EP400: variants seen among roughly 807,000 people sequenced by gnomAD.
EP400 encodes E1A-binding protein p400.
EP400 carries 105 observed loss-of-function variants against 354.1 expected under a neutral mutation model. The observed-to-expected ratio is 0.30, with a 90% CI of 0.25 to 0.35. The LOEUF (loss-of-function observed/expected upper bound fraction) is 0.35, where lower values mean the gene tolerates loss of function less well. Ranked by LOEUF, EP400 falls within the 10% of genes least tolerant of loss-of-function variation. The pLI is 1.00. For synonymous variants in EP400, 1,646 were observed against 1,716.9 expected (o/e 0.96, Z 1.02); for missense variants, 3,280 against 4,121.0 (o/e 0.80, Z 5.59).
chr12:131,976,929 T>A (rs1566168877), intron 2 of EP400, among the ~76,000 whole-genome samples: 1 of 152,156 alleles, frequency 6.6e-6, no homozygotes, highest in Non-Finnish European at 1.5e-5. Context: ...GCCAGTGAGA[T>A]GCTATGTGTC....
chr12:132,013,040 G>A lies in EP400; in HGVS notation c.3473G>A (p.Cys1158Tyr), dbSNP rs1291263447. 4 of 1,613,538 alleles carry A rather than the reference G, an allele frequency of 2.5e-6. No individual in the cohort carries two copies. Among genetic ancestry groups the A allele is most frequent in the East Asian group, 2.2e-5 (1 of 44,872 alleles). ...GCCGAACCCAACAGCTTCCACGTCT[G>A]CATCACGTCCTACACTCAGTTCTTC... ...EWAEPNSFHV[C>Y]ITSYTQFFRG... The change falls in exon 17 of 53, where the codon TGC becomes TAC. Residue 1158 changes from cysteine to tyrosine, a missense_variant. Cys to Tyr is a radical substitution (Grantham distance 194, BLOSUM62 -2). This residue lies in a region of EP400 where 242 missense variants were observed against 357.9 expected (regional missense o/e 0.68). Transcript: ENST00000389561. This position sits in a 1 kb window ranked among gnomAD's most constrained non-coding sequence, Gnocchi z 4.5.
chr12:132,003,835 C>T (rs767296453), intron 12 of EP400, among the ~76,000 whole-genome samples: 17 of 152,194 alleles, frequency 1.1e-4, no homozygotes, highest in Non-Finnish European at 2.1e-4. Flanking sequence ...TATTTAACAT[C>T]CTGAGCAAAT....
chr12:132,020,750 C>T (rs772822097), intron 22 of EP400, among the ~76,000 whole-genome samples: 4 of 152,174 alleles, frequency 2.6e-5, no homozygotes, highest in Non-Finnish European at 5.9e-5. Flanking sequence ...TGAGTGGAAG[C>T]TCTGTTGATG....
At position 132,052,098 on chromosome 12, in the gene EP400, G is replaced by A. The variant is rs941760653; in HGVS notation, c.7395-1048G>A. On this transcript the variant is annotated intron_variant, in intron 41 of 52. Transcript: ENST00000389561. This position sits in a 1 kb window ranked among gnomAD's most constrained non-coding sequence, Gnocchi z 4.4. Reference sequence around the variant, plus strand: ...AGGATTATTATAATATTGGAATAAAGAGTAATTGCTACCAACTAATGATTA... The same window carrying A: ...AGGATTATTATAATATTGGAATAAAAAGTAATTGCTACCAACTAATGATTA... Among the ~76,000 whole-genome samples the A allele has an allele frequency of 2.6e-5, 4 of 152,206 alleles. No individual in the cohort carries two copies. The highest frequency in any genetic ancestry group is 4.4e-5 in the Non-Finnish European group (3 of 68,038).
rs964409989 is a variant in EP400, at chr12:131,954,681, C to T, written c.-36+4645C>T. On this transcript the variant is annotated intron_variant, in intron 1 of 52. Transcript: ENST00000389561. ...CGGAGGGCGCAGTGAGCCGAAATCA[C>T]GCCAGTGCACTCCAGCCTGGGTGAT... Among the ~76,000 whole-genome samples the T allele has an allele frequency of 2.9e-5, 4 of 137,736 alleles. No homozygotes were observed. In the Admixed American group the frequency reaches 3.2e-4, roughly 11 times the overall value. 90.4% of individuals were successfully genotyped at this position (137,736 alleles called of 152,430 possible). A position where few individuals can be genotyped will look rare whatever the true frequency, so the allele number is the denominator to read the frequency against.
intron 12 of EP400, among the ~76,000 whole-genome samples, chr12:131,997,192 T>A (rs1296495999): frequency 6.6e-6 from 1 of 152,070 alleles, no homozygotes; most frequent in Non-Finnish European, 1.5e-5. Context: ...CAAAACTTAC[T>A]AATAGCCTAC....
At position 132,067,868 on chromosome 12, in the gene EP400, T is replaced by G. The variant is rs931837460; in HGVS notation, c.8874+382T>G. Among the ~76,000 whole-genome samples the G allele has an allele frequency of 6.6e-6, 1 of 152,224 alleles. No homozygotes were observed. The highest frequency in any genetic ancestry group is 1.5e-5 in the Non-Finnish European group (1 of 68,004). On this transcript the variant is annotated intron_variant, in intron 50 of 52. Coordinates refer to ENST00000389561, the MANE Select transcript of EP400 (RefSeq NM_015409.5). This position sits in a 1 kb window ranked among gnomAD's most constrained non-coding sequence, Gnocchi z 5.3. ...CCACAGGACCCGCCTGGACTCCTGCTGGAGGACAGGGATGCCGTACAGTCT... is the reference window on the plus strand; with the variant it reads ...CCACAGGACCCGCCTGGACTCCTGCGGGAGGACAGGGATGCCGTACAGTCT...
rs1310182603 is a variant in EP400, at chr12:132,017,928, C to G, written c.4110+207C>G. Reference sequence around the variant, plus strand: ...CCTCCGGAAATTTACCCGAGGGAGACAGGCTCACAGAGTGGAAAGATGCAG... The same window carrying G: ...CCTCCGGAAATTTACCCGAGGGAGAGAGGCTCACAGAGTGGAAAGATGCAG... On this transcript the variant is annotated intron_variant, in intron 20 of 52. Transcript: ENST00000389561. The surrounding 1 kb of genome is among the most constrained non-coding windows in gnomAD (Gnocchi z 5.0). Among the ~76,000 whole-genome samples, 2 of 152,234 alleles carry G rather than the reference C, an allele frequency of 1.3e-5. No homozygotes were observed. Among genetic ancestry groups the G allele is most frequent in the African/African-American group, 4.8e-5 (2 of 41,462 alleles).
Position 132,021,075 on chromosome 12 carries a change from G to A in EP400, c.4448-4G>A. ...TTTGCACAAACAAACCTTATCGATTGCAGCAGCAGCAGCCCCGTTTCAGAC... is the reference window on the plus strand; with the variant it reads ...TTTGCACAAACAAACCTTATCGATTACAGCAGCAGCAGCCCCGTTTCAGAC... On this transcript the variant is annotated splice_region_variant and splice_polypyrimidine_tract_variant and intron_variant, in intron 22 of 52. Coordinates refer to ENST00000389561, the MANE Select transcript of EP400 (RefSeq NM_015409.5). 2 of 1,587,872 alleles carry A rather than the reference G, an allele frequency of 1.3e-6. No homozygotes were observed. Among genetic ancestry groups the A allele is most frequent in the Non-Finnish European group, 1.7e-6 (2 of 1,173,324 alleles).
At chr12:132,012,932 G>A (rs1893811471) in intron 16 of EP400, 77 bp from the exon 17 acceptor site, 1 of 1,443,914 alleles carries the variant, frequency 6.9e-7, no homozygotes, top group Non-Finnish European at 9.2e-7. Context: ...GGCAAGCTTT[G>A]GGAAGTGTGT....
chr12:131,987,668 CATG>C (rs1258077737), intron 6 of EP400, 34 bp from the exon 7 acceptor site: 1 of 1,523,350 alleles, frequency 6.6e-7, no homozygotes, highest in Non-Finnish European at 8.8e-7. Context: ...ACACTCATCA[CATG>C]CCGACCCCAC....
At chr12:132,076,443 AAGGG>A in intron 51 of EP400, 69 bp from the exon 52 acceptor site, 1 of 1,475,612 alleles carries the variant, frequency 6.8e-7, no homozygotes, top group Non-Finnish European at 9.4e-7. Flanking sequence ...TGAGGACAGA[AAGGG>A]AGGAAAAATC....
intron 6 of EP400, among the ~76,000 whole-genome samples, chr12:131,987,394 C>T (rs1892888335): frequency 1.3e-5 from 2 of 152,108 alleles, no homozygotes; most frequent in African/African-American, 4.8e-5. Flanking sequence ...TATGGTTTCC[C>T]ATGTAAACAC....
In EP400 at chr12:131,957,368, A is replaced by G. The variant is rs759246109; in HGVS notation, c.-35-3217A>G. On this transcript the variant is annotated intron_variant, in intron 1 of 52. Transcript: ENST00000389561. ...TTAAAAATTATCTTCAAATCTTTCT[A>G]TTTTTTCAGTTACAACTTTATTATT... Among the ~76,000 whole-genome samples, 150 of 150,364 alleles carry G rather than the reference A, an allele frequency of 1.0e-3. 3 individuals are homozygous for G. Among genetic ancestry groups the G allele is most frequent in the Non-Finnish European group, 4.1e-4 (28 of 67,604 alleles).
intron 30 of EP400, among the ~76,000 whole-genome samples, chr12:132,034,994 G>T (rs138574999): frequency 0.015 from 2,240 of 152,282 alleles, 22 homozygotes; most frequent in Non-Finnish European, 0.022. Context: ...ATAGAACAGG[G>T]AGATTTGCCA....
At chr12:131,965,194 ACT>A (rs1020174679) in intron 2 of EP400, among the ~76,000 whole-genome samples, 1 of 152,232 alleles carries the variant, frequency 6.6e-6, no homozygotes, top group African/African-American at 2.4e-5. Flanking sequence ...AGTAATGTTA[ACT>A]CTGACCACTT....
At chr12:132,069,995 G>A (rs1041473730) in intron 51 of EP400, among the ~76,000 whole-genome samples, 66 of 151,922 alleles carry the variant, frequency 4.3e-4, no homozygotes, top group African/African-American at 1.6e-3. Context: ...GATATTTCTT[G>A]TTCATCAAGT....
At chr12:132,057,805 G>T (rs1202217810) in intron 45 of EP400, among the ~76,000 whole-genome samples, 1 of 152,182 alleles carries the variant, frequency 6.6e-6, no homozygotes, top group Non-Finnish European at 1.5e-5. Context: ...TTCTATGAGG[G>T]TACCAAGCCA....
At position 131,989,813 on chromosome 12, in the gene EP400, C is replaced by T. The variant is rs1892971389; in HGVS notation, c.2410-151C>T. 3.7e-6 allele frequency: 3 copies of T among 821,470 alleles called. No individual in the cohort carries two copies. In the African/African-American group the frequency reaches 5.4e-5, roughly 15 times the overall value. 50.9% of individuals were successfully genotyped at this position (821,470 alleles called of 1,614,324 possible). A position where few individuals can be genotyped will look rare whatever the true frequency, so the allele number is the denominator to read the frequency against. On this transcript the variant is annotated intron_variant, in intron 7 of 52. Transcript: ENST00000389561. ...GTGGTTTTTGCTTATAGTCATGTTT[C>T]TCCTAATCCACCCTAAGAGCATACG...
Sources: allele counts gnomAD v4.1 joint callset (sites outside exome capture counted in the v4.1 genomes callset), GRCh38; gene constraint gnomAD v4.1.1; regional missense constraint gnomAD v4.1.1; non-coding constraint Gnocchi (gnomAD v3.1); transcripts MANE v1.5; gene names NCBI Gene and HGNC (gene_info 2026-07-23, HGNC 2026-07-21).